Variants in DNAH17 observed in about 807,000 individuals in gnomAD.
DNAH17 encodes axonemal beta dynein heavy chain 17.
DNAH17 carries 376 observed loss-of-function variants against 485.6 expected under a neutral mutation model. That is an observed-to-expected ratio of 0.77 (90% CI 0.71 to 0.84). DNAH17 has a LOEUF of 0.84. Ranked by LOEUF, DNAH17 falls within the 40% of genes least tolerant of loss-of-function variation. The pLI is 0.00. For missense variants in DNAH17, 6,370 were observed against 5,839.3 expected, an observed-to-expected ratio of 1.09 and a Z score of -2.96; for synonymous variants, 3,031 against 2,405.9, an observed-to-expected ratio of 1.26 and a Z score of -7.60.
intron 60 of DNAH17, among the ~76,000 whole-genome samples, chr17:78,459,483 G>A (rs1022151156): frequency 1.3e-5 from 2 of 152,220 alleles, no homozygotes; most frequent in Non-Finnish European, 2.9e-5. Context: ...GACGTGGCAG[G>A]TGTTACATTT....
chr17:78,460,571 C>G (rs2088068835), intron 58 of DNAH17, among the ~76,000 whole-genome samples: 1 of 152,216 alleles, frequency 6.6e-6, no homozygotes, highest in Admixed American at 6.5e-5. Context: ...TTGCCGACAT[C>G]CCTGTGTGTG....
rs368551814 is a variant in DNAH17 at position 78,458,591 on chromosome 17, C to A, written c.9951G>T (p.Thr3317=). 16 of 1,613,920 alleles carry A rather than the reference C, an allele frequency of 9.9e-6. No homozygotes were observed. Among genetic ancestry groups the A allele is most frequent in the Non-Finnish European group, 1.4e-5 (16 of 1,179,850 alleles). The change falls in exon 62 of 81, where the codon ACG becomes ACT. Residue 3317 remains threonine (T), a synonymous_variant. Transcript: ENST00000389840. ...KIKCQQEADA[T]NRVILLANRL... is the part of the protein sequence containing the mutation. Reference sequence around the variant, plus strand: ...TGTTCGCCAGTAAGATCACCCTGTTCGTGGCATCGGCCTCTTGCTGACACT... The same window carrying A: ...TGTTCGCCAGTAAGATCACCCTGTTAGTGGCATCGGCCTCTTGCTGACACT...
intron 80 of DNAH17, chr17:78,425,018 C>T (rs531036990): frequency 1.9e-5 from 4 of 210,486 alleles, no homozygotes; most frequent in African/African-American, 2.3e-5. Context: ...CTGACTGCTC[C>T]GTGGCAGGGA....
chr17:78,466,884 G>GCAGAAAGCTCTGC (rs1400942447), intron 55 of DNAH17, 68 bp from the exon 56 acceptor site: 1 of 1,417,902 alleles, frequency 7.1e-7, no homozygotes, highest in East Asian at 2.8e-5. Context: ...CCATCACTCT[G>GCAGAAAGCTCTGC]CAGAAAGCTC....
intron 14 of DNAH17, among the ~76,000 whole-genome samples, chr17:78,556,752 C>T (rs186681961): frequency 0.011 from 1,632 of 152,224 alleles, 12 homozygotes; most frequent in Non-Finnish European, 0.015. Flanking sequence ...CTGAAAACAA[C>T]CCGAATGCCC....
chr17:78,569,808 G>A (rs549038119), intron 7 of DNAH17, among the ~76,000 whole-genome samples: 3 of 152,308 alleles, frequency 2.0e-5, no homozygotes, highest in South Asian at 2.1e-4. Flanking sequence ...TCCTGCAGAC[G>A]GGGCCACAGC....
chr17:78,509,312 G>A (rs900691281), intron 27 of DNAH17, among the ~76,000 whole-genome samples: 3 of 151,954 alleles, frequency 2.0e-5, no homozygotes, highest in Non-Finnish European at 4.4e-5. Context: ...TAGAGATGGG[G>A]TCTGCCTATG....
At position 78,514,892 on chromosome 17, in the gene DNAH17, G is replaced by A. The variant is rs78098467; in HGVS notation, c.3995C>T (p.Ala1332Val). ...CACGGTGTTGTCGAGCCCCACGAAGGCATCCCAGGTTTTCATCTCCTTGTC... is the reference window on the plus strand; with the variant it reads ...CACGGTGTTGTCGAGCCCCACGAAGACATCCCAGGTTTTCATCTCCTTGTC... Reference protein sequence around the residue: ...SLDKEMKTWDAFVGLDNTVKN... With the variant: ...SLDKEMKTWDVFVGLDNTVKN... The change falls in exon 26 of 81, where the codon GCC becomes GTC. Residue 1332 changes from alanine (A) to valine (V), a missense_variant. Transcript: ENST00000389840. 1.8e-3 allele frequency: 2,940 copies of A among 1,614,048 alleles called. 49 individuals carry two copies. The East Asian group carries it at 0.03, about 17-fold the overall frequency.
At chr17:78,502,355 C>G (rs972544892) in intron 33 of DNAH17, 15 of 402,186 alleles carry the variant, frequency 3.7e-5, no homozygotes, top group Non-Finnish European at 6.6e-5. Flanking sequence ...AATTTTCAGG[C>G]GAGAAATCAA....
At chr17:78,566,473 A>G in intron 11 of DNAH17, 141 bp downstream of exon 11, 1 of 638,682 alleles carries the variant, frequency 1.6e-6, no homozygotes, top group Non-Finnish European at 2.7e-6. Context: ...ACTGACTCTG[A>G]GGCACAGGAG....
At chr17:78,502,453 C>T (rs761446224) in intron 33 of DNAH17, 138 bp downstream of exon 33, 18 of 780,264 alleles carry the variant, frequency 2.3e-5, no homozygotes, top group Admixed American at 3.2e-5. Flanking sequence ...GTGGAAACGA[C>T]GGTTTTGCGG....
At chr17:78,455,587 A>T in intron 63 of DNAH17, 57 bp downstream of exon 63, 2 of 1,377,890 alleles carry the variant, frequency 1.5e-6, no homozygotes, top group Non-Finnish European at 1.9e-6. Context: ...TCGGCCTCCC[A>T]AAGTGCTGGC....
intron 57 of DNAH17, among the ~76,000 whole-genome samples, chr17:78,462,415 G>C (rs1313982010): frequency 6.6e-6 from 1 of 152,154 alleles, no homozygotes; most frequent in Non-Finnish European, 1.5e-5. Context: ...GGGACTGCAC[G>C]ATGGAGGAGG....
chr17:78,550,872 A>G (rs951299666), intron 16 of DNAH17, among the ~76,000 whole-genome samples: 13 of 152,360 alleles, frequency 8.5e-5, no homozygotes, highest in African/African-American at 3.1e-4. Context: ...AAAGTATGCT[A>G]TCAATGAGCC....
At chr17:78,450,898 C>G in intron 66 of DNAH17, 52 bp from the exon 67 acceptor site, 2 of 1,594,772 alleles carry the variant, frequency 1.3e-6, no homozygotes, top group Admixed American at 3.4e-5. Context: ...GTCCACCGGG[C>G]ACCCGGGCCT....
At chr17:78,503,744 T>A (rs950296374) in intron 31 of DNAH17, among the ~76,000 whole-genome samples, 1 of 151,788 alleles carries the variant, frequency 6.6e-6, no homozygotes, top group Admixed American at 6.6e-5. Context: ...GGCGGGTGGA[T>A]CACCTGAGGT....
chr17:78,496,199 AT>A (rs2090064066), intron 37 of DNAH17, among the ~76,000 whole-genome samples, 167 bp from the exon 38 acceptor site: 1 of 151,990 alleles, frequency 6.6e-6, no homozygotes, highest in Non-Finnish European at 1.5e-5. Flanking sequence ...AAAGTTGTAG[AT>A]TTGCATGCCA....
At position 78,548,120 on chromosome 17, in the gene DNAH17, T is replaced by A. The variant is rs566333877; in HGVS notation, c.2391+3415A>T. 7.2e-5 allele frequency among the ~76,000 whole-genome samples: 11 copies of A among 152,200 alleles called. No homozygotes were observed. The South Asian group carries it at 2.3e-3, about 32-fold the overall frequency. On this transcript the variant is annotated intron_variant, in intron 16 of 80. Coordinates refer to ENST00000389840, the MANE Select transcript of DNAH17 (RefSeq NM_173628.4). ...TCTGCTTTTGCAGTTTTGACTTTCT[T>A]AGCCATGTCCTTTCCCTTCTCTGCT...
chr17:78,531,985 T>C (rs569168121), intron 20 of DNAH17, among the ~76,000 whole-genome samples: 212 of 152,328 alleles, frequency 1.4e-3, no homozygotes, highest in African/African-American at 5.0e-3. Context: ...TGGTTTCATA[T>C]GCAAATGAGC....
Sources: allele counts gnomAD v4.1 joint callset (sites outside exome capture counted in the v4.1 genomes callset), GRCh38; gene constraint gnomAD v4.1.1; transcripts MANE v1.5; gene names NCBI Gene and HGNC (gene_info 2026-07-23, HGNC 2026-07-21).